Variants in PDHB observed in about 807,000 individuals in gnomAD.
PDHB encodes the protein pyruvate dehydrogenase E1 component subunit beta, mitochondrial.
PDHB carries 17 observed loss-of-function variants against 42.8 expected under a neutral mutation model. The observed-to-expected ratio is 0.40, with a 90% CI of 0.27 to 0.60. The LOEUF (loss-of-function observed/expected upper bound fraction) is 0.60, where lower values mean the gene tolerates loss of function less well. Among genes scored for constraint, PDHB ranks in the 20% least tolerant of loss-of-function variants. The pLI, the probability that PDHB is intolerant of heterozygous loss-of-function variation, is 0.46. For missense variants in PDHB, 322 were observed against 451.3 expected (o/e 0.71, Z 2.60); for synonymous variants, 154 against 148.7 (o/e 1.04, Z -0.26).
chr3:58,430,079 A>G, intron 7 of PDHB, 49 bp downstream of exon 7: 1 of 1,165,718 alleles, frequency 8.6e-7, no homozygotes. Flanking sequence ...TTTTACCAAA[A>G]TTGAGGGGCT....
Position 58,431,592 on chromosome 3 carries a change from C to G in PDHB, c.303+1G>C. 6.3e-7 allele frequency: 1 copy of G among 1,598,852 alleles called. No individual in the cohort carries two copies. The highest frequency in any genetic ancestry group is 2.2e-4 in the Middle Eastern group (1 of 4,590). On this transcript the variant is annotated splice_donor_variant, in intron 5 of 9. Transcript: ENST00000302746. LOFTEE classifies it high-confidence loss of function. This position sits in a 1 kb window ranked among gnomAD's most constrained non-coding sequence, Gnocchi z 4.4. Reference sequence around the variant, plus strand: ...TAAGTTTCATAAAGAGTATTACATACCATAGCTGCACCTACAGCAATTCCA... The same window carrying G: ...TAAGTTTCATAAAGAGTATTACATAGCATAGCTGCACCTACAGCAATTCCA...
At position 58,433,679 on chromosome 3, in the gene PDHB, G is replaced by T. The variant is rs375651141; in HGVS notation, c.48C>A (p.Ser16=). The T allele has an allele frequency of 2.5e-6, 4 of 1,612,684 alleles. No homozygotes were observed. The highest frequency in any genetic ancestry group is 1.7e-5 in the Admixed American group (1 of 59,884). Residue 16 remains serine, a synonymous_variant, in exon 2 of 10, where the codon TCC becomes TCA. Transcript: ENST00000302746. ...AGTGAAAGCGCCTCTTCAGCAGCCC[G>T]GAGACCTGGCAGGGAGAGAGGAAGA... ...GLVRRPLREV[S]GLLKRRFHWT...
At chr3:58,432,371 C>G (rs2062927647) in intron 2 of PDHB, 2 of 322,522 alleles carry the variant, frequency 6.2e-6, no homozygotes, top group Admixed American at 9.3e-5. Context: ...CATATACTTG[C>G]ACATCAATGT....
Position 58,433,644 on chromosome 3 carries a change from G to C in PDHB, c.83C>G (p.Pro28Arg). 6.2e-6 allele frequency: 10 copies of C among 1,611,666 alleles called. No homozygotes were observed. Among genetic ancestry groups the C allele is most frequent in the Non-Finnish European group, 8.5e-6 (10 of 1,179,412 alleles). ...CGCGCCTGTTACCTGCAGCGCAGCC[G>C]GCGCGGTCCAGTGAAAGCGCCTCTT... is the stretch of plus-strand genomic sequence containing the variant. ...LLKRRFHWTA[P>R]AALQVTVRDA... Residue 28 changes from proline to arginine, a missense_variant, in exon 2 of 10, where the codon CCG (proline) becomes CGG (arginine). Physicochemically the swap from Pro to Arg is moderately radical, Grantham distance 103 (BLOSUM62 -2). This residue lies in a region of PDHB where 58 missense variants were observed against 42.1 expected (regional missense o/e 1.38). Transcript: ENST00000302746.
Position 58,428,614 on chromosome 3 carries a change from C to A in PDHB, c.793G>T (p.Val265Leu). 1 of 1,611,800 alleles carries A rather than the reference C, an allele frequency of 6.2e-7. No individual in the cohort carries two copies. Among genetic ancestry groups the A allele is most frequent in the Non-Finnish European group, 8.5e-7 (1 of 1,177,992 alleles). The change falls in exon 9 of 10, where the codon GTG becomes TTG. Residue 265 changes from valine (V) to leucine (L), a missense_variant and splice_region_variant. By Grantham distance (32) the Val-to-Leu change is conservative (BLOSUM62 1). Transcript: ENST00000302746. Reference protein sequence around the residue: ...VLSKEGVECEVINMRTIRPMD... With the variant: ...VLSKEGVECELINMRTIRPMD... ...GGTCTAATGGTACGCATATTTATCACCTAAACAGGTAATATAATCAAGTTT... is the reference window on the plus strand; with the variant it reads ...GGTCTAATGGTACGCATATTTATCAACTAAACAGGTAATATAATCAAGTTT...
intron 2 of PDHB, 173 bp downstream of exon 2, chr3:58,433,458 T>G (rs1470178688): frequency 1.5e-6 from 1 of 687,660 alleles, no homozygotes; most frequent in East Asian, 2.7e-5. Context: ...CTCGCCGGTG[T>G]GCTAATTGCC....
chr3:58,428,273 T>A, intron 9 of PDHB, 94 bp from the exon 10 acceptor site: 1 of 1,292,480 alleles, frequency 7.7e-7, no homozygotes, highest in Non-Finnish European at 1.1e-6. Flanking sequence ...AGAGAAAATG[T>A]AAGGAATGCT....
intron 6 of PDHB, 81 bp from the exon 7 acceptor site, chr3:58,430,319 T>A (rs1314567639): frequency 2.0e-6 from 2 of 985,442 alleles, no homozygotes; most frequent in Non-Finnish European, 3.1e-6. Flanking sequence ...ATATCATTCA[T>A]CTTGTGAGAA....
At position 58,430,691 on chromosome 3, in the gene PDHB, TC is replaced by T; in HGVS notation, c.554del (p.Gly185AspfsTer16). Reference sequence around the variant, plus strand: ...TATCCCGAATGGCTGATTTAATAAGTCCTTTAGCATCCTCTGAATTCCAGGG... The same window carrying T: ...TATCCCGAATGGCTGATTTAATAAGTCTTTAGCATCCTCTGAATTCCAGGG... ...VSPWNSEDAK[G>X]LIKSAIRDNN... On this transcript the variant is annotated frameshift_variant, in exon 6 of 10. Coordinates refer to ENST00000302746, the MANE Select transcript of PDHB (RefSeq NM_000925.4). LOFTEE classifies it high-confidence loss of function. 1 of 1,614,040 alleles carries T rather than the reference TC, an allele frequency of 6.2e-7. No homozygotes were observed. The highest frequency in any genetic ancestry group is 8.5e-7 in the Non-Finnish European group (1 of 1,180,002).
chr3:58,429,571 TC>T (rs1383087212), intron 8 of PDHB, 136 bp downstream of exon 8: 2 of 727,672 alleles, frequency 2.7e-6, no homozygotes, highest in Admixed American at 3.8e-5. Flanking sequence ...GCAGGCAGGT[TC>T]CCAGCTTTAA....
Position 58,430,768 on chromosome 3 carries a change from G to GT in PDHB, c.477dup (p.Gln160ThrfsTer25). On this transcript the variant is annotated frameshift_variant, in exon 6 of 10. Coordinates refer to ENST00000302746, the MANE Select transcript of PDHB (RefSeq NM_000925.4). LOFTEE classifies it high-confidence loss of function. ...TGCCCATACCAGGCAGCAAAGCACT[G>GT]TGAGTGCTGGGCAGCTACACCTGCT... 6.2e-7 allele frequency: 1 copy of GT among 1,613,870 alleles called. No individual in the cohort carries two copies. The highest frequency in any genetic ancestry group is 8.5e-7 in the Non-Finnish European group (1 of 1,179,698).
In PDHB at chr3:58,433,796, G is replaced by T. The variant is rs1053613186; in HGVS notation, c.14C>A (p.Ser5Tyr). MAAV[S>Y]GLVRRPLREV... ...CCGAAGGGGTCTCCGCACCAAGCCA[G>T]ACACCGCCGCCATCTTGGTCGTGTC... Residue 5 changes from serine (S) to tyrosine (Y), a missense_variant, in exon 1 of 10, where the codon TCT (serine) becomes TAT (tyrosine). Transcript: ENST00000302746. The T allele has an allele frequency of 2.5e-6, 4 of 1,611,840 alleles. No individual in the cohort carries two copies. The highest frequency in any genetic ancestry group is 2.7e-5 in the African/African-American group (2 of 75,024).
chr3:58,433,274 T>C (rs114418136), intron 2 of PDHB: 91 of 406,690 alleles, frequency 2.2e-4, no homozygotes, highest in African/African-American at 1.7e-3. Context: ...TGGATGGTGG[T>C]TAATGGTTGT....
chr3:58,430,602 TATATCA>T, intron 6 of PDHB, 49 bp downstream of exon 6: 1 of 1,405,338 alleles, frequency 7.1e-7, no homozygotes, highest in Non-Finnish European at 1.0e-6. Flanking sequence ...TCTGTGCAAA[TATATCA>T]TTTTAGTTTT....
chr3:58,430,144 G>A lies in PDHB; in HGVS notation c.684C>T (p.Ala228=). Reference sequence around the variant, plus strand: ...TTTTCTTACCTTGCCTTTCTATTTTGGCTTTTCCAATAGGAATCAGAAAAT... The same window carrying A: ...TTTTCTTACCTTGCCTTTCTATTTTAGCTTTTCCAATAGGAATCAGAAAAT... ...SKDFLIPIGK[A]KIERQGTHIT... is the part of the protein sequence containing the mutation. Residue 228 remains alanine (A), a synonymous_variant, in exon 7 of 10, where the codon GCC becomes GCT. Transcript: ENST00000302746. The A allele has an allele frequency of 6.3e-7, 1 of 1,598,642 alleles. No individual in the cohort carries two copies. Among genetic ancestry groups the A allele is most frequent in the South Asian group, 1.1e-5 (1 of 90,648 alleles).
chr3:58,430,538 ATTAACATTC>A lies in PDHB; in HGVS notation c.589+110_589+118del, dbSNP rs2107939258. Reference sequence around the variant, plus strand: ...CTTTACTATCTTTACTATATAAAGTATTAACATTCTATACGATATATCTAAGCCTAACTA... The same window carrying A: ...CTTTACTATCTTTACTATATAAAGTATATACGATATATCTAAGCCTAACTA... On this transcript the variant is annotated intron_variant, in intron 6 of 9. Transcript: ENST00000302746. The A allele has an allele frequency of 1.1e-5, 9 of 850,564 alleles. No homozygotes were observed. In the East Asian group the frequency reaches 2.3e-4, roughly 22 times the overall value. 52.7% of individuals were successfully genotyped at this position (850,564 alleles called of 1,614,324 possible). A position where few individuals can be genotyped will look rare whatever the true frequency, so the allele number is the denominator to read the frequency against.
In PDHB at chr3:58,431,080, TCAC is replaced by T. The variant is rs2062916063; in HGVS notation, c.304-141_304-139del. 5 of 875,780 alleles carry T rather than the reference TCAC, an allele frequency of 5.7e-6. No individual in the cohort carries two copies. Among genetic ancestry groups the T allele is most frequent in the Non-Finnish European group, 9.1e-6 (5 of 546,816 alleles). 54.3% of individuals were successfully genotyped at this position (875,780 alleles called of 1,614,324 possible). ...ATTTTTTATGGACAGGGTCTCACTG[TCAC>T]CCATGCTGGAGTGCAGTGGCACACA... On this transcript the variant is annotated intron_variant, in intron 5 of 9. Transcript: ENST00000302746. The surrounding 1 kb of genome is among the most constrained non-coding windows in gnomAD (Gnocchi z 4.4).
chr3:58,428,718 T>A, intron 8 of PDHB, 104 bp from the exon 9 acceptor site: 1 of 1,037,872 alleles, frequency 9.6e-7, no homozygotes, highest in Non-Finnish European at 1.5e-6. Flanking sequence ...TCTTTGTATC[T>A]AGGAAAATCT....
At chr3:58,430,539 T>C in intron 6 of PDHB, 118 bp downstream of exon 6, 1 of 857,672 alleles carries the variant, frequency 1.2e-6, no homozygotes, top group East Asian at 2.6e-5. Context: ...ATATAAAGTA[T>C]TAACATTCTA....
Sources: allele counts gnomAD v4.1 joint callset, GRCh38; gene constraint gnomAD v4.1.1; regional missense constraint gnomAD v4.1.1; non-coding constraint Gnocchi (gnomAD v3.1); transcripts MANE v1.5; gene names NCBI Gene and HGNC (gene_info 2026-07-23, HGNC 2026-07-21).